MTX2: variants seen among roughly 807,000 people sequenced by gnomAD.
The protein encoded by MTX2 is metaxin-2.
Under a neutral mutation model 42.3 loss-of-function variants are expected in MTX2, and 35 were observed. That is an observed-to-expected ratio of 0.83 (90% CI 0.63 to 1.10). MTX2 has a LOEUF of 1.10. MTX2 is among the 50% of genes least tolerant of loss of function. MTX2 has a pLI of 0.00. For synonymous variants in MTX2, 119 were observed against 100.9 expected, an observed-to-expected ratio of 1.18 and a Z score of -1.08; for missense variants, 307 against 304.1, an observed-to-expected ratio of 1.01 and a Z score of -0.07.
intron 3 of MTX2, among the ~76,000 whole-genome samples, chr2:176,317,037 T>TAAAA (rs141704247): frequency 1.4e-5 from 2 of 138,518 alleles, no homozygotes; most frequent in South Asian, 2.2e-4. Context: ...AGTGTCTTTT[T>TAAAA]TAAAAAAAAA....
intron 4 of MTX2, among the ~76,000 whole-genome samples, chr2:176,324,112 TATC>T (rs542392613): frequency 2.7e-4 from 41 of 151,702 alleles, no homozygotes; most frequent in Middle Eastern, 3.5e-3. Context: ...TATATATAAT[TATC>T]ATGGATGATT....
chr2:176,284,052 T>C (rs1026350344), intron 1 of MTX2, among the ~76,000 whole-genome samples: 5 of 152,300 alleles, frequency 3.3e-5, no homozygotes, highest in Admixed American at 2.0e-4. Flanking sequence ...ATCATTATCA[T>C]ATGTAGTTGG....
At chr2:176,295,117 G>A (rs1683827913) in intron 1 of MTX2, among the ~76,000 whole-genome samples, 1 of 152,134 alleles carries the variant, frequency 6.6e-6, no homozygotes, top group African/African-American at 2.4e-5. Context: ...GTAGTACAGT[G>A]TGGGGTACAC....
chr2:176,271,275 AAAC>A (rs1258132929), intron 1 of MTX2, among the ~76,000 whole-genome samples: 1 of 152,230 alleles, frequency 6.6e-6, no homozygotes, highest in Non-Finnish European at 1.5e-5. Flanking sequence ...TCTAAATATA[AAAC>A]AACAAAATTG....
chr2:176,295,550 T>C (rs1035612846), intron 1 of MTX2, among the ~76,000 whole-genome samples: 3 of 152,210 alleles, frequency 2.0e-5, no homozygotes, highest in African/African-American at 7.2e-5. Context: ...TGTGACAGCA[T>C]ACAAAACTAT....
At chr2:176,278,240 G>A (rs543899640) in intron 1 of MTX2, among the ~76,000 whole-genome samples, 2 of 151,364 alleles carry the variant, frequency 1.3e-5, no homozygotes, top group Non-Finnish European at 2.9e-5. Context: ...CAGTAAAGAC[G>A]GGGTTTTACC....
chr2:176,283,725 A>C (rs1019339301), intron 1 of MTX2, among the ~76,000 whole-genome samples: 3 of 152,204 alleles, frequency 2.0e-5, no homozygotes, highest in African/African-American at 4.8e-5. Flanking sequence ...GGGAAGAACT[A>C]CTTAGTTTGA....
chr2:176,337,462 T>C lies in MTX2; in HGVS notation c.621-31T>C, dbSNP rs201202360. ...TTCTATTGTAAAAGTTAAATGCTACTTACTCACATTACTCTCATTTCTACT... is the reference window on the plus strand; with the variant it reads ...TTCTATTGTAAAAGTTAAATGCTACCTACTCACATTACTCTCATTTCTACT... On this transcript the variant is annotated intron_variant, in intron 9 of 9. Coordinates refer to ENST00000249442, the MANE Select transcript of MTX2 (RefSeq NM_006554.5). 6.5e-6 allele frequency: 10 copies of C among 1,530,110 alleles called. No homozygotes were observed. The East Asian group carries it at 2.4e-4, about 36-fold the overall frequency. 94.8% of individuals were successfully genotyped at this position (1,530,110 alleles called of 1,614,324 possible). A position where few individuals can be genotyped will look rare whatever the true frequency, so the allele number is the denominator to read the frequency against.
At chr2:176,275,810 T>C (rs1692933235) in intron 1 of MTX2, among the ~76,000 whole-genome samples, 1 of 152,184 alleles carries the variant, frequency 6.6e-6, no homozygotes, top group South Asian at 2.1e-4. Flanking sequence ...CACTTGCCCA[T>C]CCCTGTGCCA....
intron 1 of MTX2, among the ~76,000 whole-genome samples, chr2:176,277,692 G>A (rs1056305997): frequency 2.6e-5 from 4 of 152,092 alleles, no homozygotes; most frequent in Non-Finnish European, 4.4e-5. Flanking sequence ...GTGAGCCACC[G>A]TGCCCAGCCT....
intron 1 of MTX2, among the ~76,000 whole-genome samples, chr2:176,291,050 A>G (rs148852777): frequency 6.6e-6 from 1 of 152,244 alleles, no homozygotes; most frequent in African/African-American, 2.4e-5. Context: ...TGTCCTTATC[A>G]ATAAAAATTT....
intron 9 of MTX2, among the ~76,000 whole-genome samples, chr2:176,335,174 T>G (rs1684961001): frequency 6.6e-6 from 1 of 152,084 alleles, no homozygotes; most frequent in Non-Finnish European, 1.5e-5. Context: ...ATTTAAACCT[T>G]ATTCTAAAAA....
intron 3 of MTX2, among the ~76,000 whole-genome samples, chr2:176,306,476 A>T (rs1390548394): frequency 6.6e-6 from 1 of 152,206 alleles, no homozygotes; most frequent in African/African-American, 2.4e-5. Context: ...ATCCTTGAGG[A>T]ATCGCCACAC....
intron 3 of MTX2, among the ~76,000 whole-genome samples, chr2:176,320,791 T>G (rs1684567585): frequency 6.6e-6 from 1 of 151,244 alleles, no homozygotes; most frequent in Admixed American, 6.6e-5. Flanking sequence ...ACCTCCCAGG[T>G]TCAAGCAATC....
intron 3 of MTX2, among the ~76,000 whole-genome samples, chr2:176,319,835 A>G (rs1033692235): frequency 1.3e-5 from 2 of 151,974 alleles, no homozygotes; most frequent in African/African-American, 4.8e-5. Flanking sequence ...TGGCCTCCCA[A>G]AGTGCTGCGA....
chr2:176,302,097 G>A (rs1018926479), intron 3 of MTX2, among the ~76,000 whole-genome samples: 1 of 148,948 alleles, frequency 6.7e-6, no homozygotes, highest in African/African-American at 2.5e-5. Flanking sequence ...TTCGCTTCAT[G>A]TATGTGAAGC....
intron 1 of MTX2, among the ~76,000 whole-genome samples, chr2:176,292,552 A>G (rs1693352308): frequency 6.6e-6 from 1 of 152,216 alleles, no homozygotes; most frequent in Admixed American, 6.5e-5. Flanking sequence ...TTCCCAAACC[A>G]ACAAATAAGC....
At chr2:176,273,049 T>G (rs935597785) in intron 1 of MTX2, among the ~76,000 whole-genome samples, 1 of 152,164 alleles carries the variant, frequency 6.6e-6, no homozygotes, top group Admixed American at 6.5e-5. Context: ...GATGCGAGCC[T>G]TTGTGCTGCA....
intron 1 of MTX2, among the ~76,000 whole-genome samples, chr2:176,286,272 G>T (rs1693198711): frequency 6.6e-6 from 1 of 152,168 alleles, no homozygotes; most frequent in African/African-American, 2.4e-5. Flanking sequence ...GATATATGCT[G>T]TATGAGTTTT....
Sources: allele counts gnomAD v4.1 joint callset (sites outside exome capture counted in the v4.1 genomes callset), GRCh38; gene constraint gnomAD v4.1.1; transcripts MANE v1.5; gene names NCBI Gene and HGNC (gene_info 2026-07-23, HGNC 2026-07-21).